EYA1: variants seen among roughly 807,000 people sequenced by gnomAD.
EYA1 encodes the protein protein phosphatase EYA1.
EYA1 carries 16 observed loss-of-function variants against 82.0 expected under a neutral mutation model. That is an observed-to-expected ratio of 0.20 (90% CI 0.13 to 0.30). EYA1 has a LOEUF of 0.30. Among genes scored for constraint, EYA1 ranks in the 10% least tolerant of loss-of-function variants. The probability of loss-of-function intolerance (pLI) is 1.00; values close to 1 mark genes in which losing one functional copy is unlikely to be tolerated. For missense variants in EYA1, 633 were observed against 730.7 expected (o/e 0.87, Z 1.54); for synonymous variants, 261 against 264.4 (o/e 0.99, Z 0.12).
intron 11 of EYA1, among the ~76,000 whole-genome samples, chr8:71,260,975 C>T (rs956475178): frequency 3.3e-5 from 5 of 152,114 alleles, no homozygotes; most frequent in African/African-American, 9.7e-5. Flanking sequence ...TTTAAAAATT[C>T]TCCCCATCCA....
intron 2 of EYA1, among the ~76,000 whole-genome samples, chr8:71,355,704 T>C (rs1826798009): frequency 6.6e-6 from 1 of 152,234 alleles, no homozygotes; most frequent in Non-Finnish European, 1.5e-5. Context: ...TTTAGTGCTA[T>C]AATTTTGCAA....
intron 3 of EYA1, 96 bp from the exon 4 acceptor site, chr8:71,334,270 T>A: frequency 9.9e-7 from 1 of 1,014,072 alleles, no homozygotes; most frequent in Non-Finnish European, 1.6e-6. Flanking sequence ...GACAAGAAAA[T>A]CATTTCAAAA....
intron 2 of EYA1, among the ~76,000 whole-genome samples, chr8:71,408,132 A>T (rs1231887671): frequency 4.6e-5 from 7 of 152,064 alleles, no homozygotes; most frequent in Admixed American, 3.9e-4. Context: ...AAGCTTCATA[A>T]GTGAAGGAGA....
intron 2 of EYA1, among the ~76,000 whole-genome samples, chr8:71,439,868 A>G (rs1394058214): frequency 6.6e-6 from 1 of 152,226 alleles, no homozygotes; most frequent in Non-Finnish European, 1.5e-5. Flanking sequence ...CACACAGACT[A>G]CAGGGTAATT....
At chr8:71,418,030 C>T (rs575134011) in intron 2 of EYA1, among the ~76,000 whole-genome samples, 1 of 152,314 alleles carries the variant, frequency 6.6e-6, no homozygotes, top group African/African-American at 2.4e-5. Context: ...AGGGCATACC[C>T]TCTCATTCTT....
At chr8:71,349,823 C>T (rs1302543802) in intron 3 of EYA1, among the ~76,000 whole-genome samples, 1 of 151,764 alleles carries the variant, frequency 6.6e-6, no homozygotes, top group Non-Finnish European at 1.5e-5. Flanking sequence ...ATTTTTTTTT[C>T]TAAAGATTAA....
chr8:71,518,882 G>C (rs1475868058), intron 2 of EYA1, among the ~76,000 whole-genome samples: 1 of 151,998 alleles, frequency 6.6e-6, no homozygotes, highest in Non-Finnish European at 1.5e-5. Context: ...CATAAAATCA[G>C]CTAGTATCTA....
At chr8:71,505,316 C>G (rs556556891) in intron 2 of EYA1, among the ~76,000 whole-genome samples, 1 of 152,156 alleles carries the variant, frequency 6.6e-6, no homozygotes, top group South Asian at 2.1e-4. Context: ...GTTTGAGAAG[C>G]GCTGGCTCAA....
At chr8:71,519,642 G>A (rs1239086113) in intron 2 of EYA1, among the ~76,000 whole-genome samples, 4 of 144,894 alleles carry the variant, frequency 2.8e-5, no homozygotes, top group Admixed American at 2.1e-4. Context: ...ATTTCTCTTT[G>A]TTTTACCTAA....
rs763005068 is a variant in EYA1, at chr8:71,321,856, G to A, written c.296C>T (p.Pro99Leu). The A allele has an allele frequency of 1.9e-6, 3 of 1,614,230 alleles. No homozygotes were observed. The highest frequency in any genetic ancestry group is 1.7e-5 in the Admixed American group (1 of 60,034). Residue 99 changes from proline (P) to leucine (L), a missense_variant, in exon 6 of 18, where the codon CCT (proline) becomes CTT (leucine). By Grantham distance (98) the Pro-to-Leu change is moderately conservative. Coordinates refer to ENST00000340726, the MANE Select transcript of EYA1 (RefSeq NM_000503.6). ...AGCCATAGTTTGTGAGGAAGGGGTA[G>A]GGAGAATATGTGGGTATGGTCTGCT... The part of the protein sequence containing the change: ...PSNRPYPHIL[P>L]TPSSQTMAAY...
chr8:71,462,663 G>T (rs944558492), intron 2 of EYA1, among the ~76,000 whole-genome samples: 1 of 152,204 alleles, frequency 6.6e-6, no homozygotes, highest in Non-Finnish European at 1.5e-5. Context: ...CCCAGGCCCA[G>T]CTCTGCCTTC....
In EYA1 at chr8:71,226,139, G is replaced by A. The variant is rs773776165; in HGVS notation, c.1141-9116C>T. 7.9e-5 allele frequency among the ~76,000 whole-genome samples: 12 copies of A among 152,088 alleles called. 1 individual carries two copies. Among genetic ancestry groups the A allele is most frequent in the Middle Eastern group, 3.2e-3 (1 of 316 alleles). On this transcript the variant is annotated intron_variant, in intron 12 of 17. Transcript: ENST00000340726. ...GCATAAAATTATGGTAAATATTTGA[G>A]ATCACTAAGTAAAGGCTTCCAGGAT...
intron 3 of EYA1, among the ~76,000 whole-genome samples, chr8:71,351,438 CAA>C (rs1481257135): frequency 6.6e-6 from 1 of 152,080 alleles, no homozygotes; most frequent in East Asian, 1.9e-4. Flanking sequence ...TTTTATATTG[CAA>C]AGATGTATAA....
At position 71,454,003 on chromosome 8, in the gene EYA1, A is replaced by C. The variant is rs1230822796; in HGVS notation, c.33+81741T>G. ...ATTGGATAAAGAGTCGAGACCCATC[A>C]GTGTGCTGTATTCAGGAAACCCATC... On this transcript the variant is annotated intron_variant, in intron 2 of 18. Transcript: ENST00000643681. Among the ~76,000 whole-genome samples, 5 of 152,206 alleles carry C rather than the reference A, an allele frequency of 3.3e-5. No homozygotes were observed. In the East Asian group the frequency reaches 9.6e-4, roughly 29 times the overall value.
At chr8:71,456,669 C>T (rs1333899494) in intron 2 of EYA1, among the ~76,000 whole-genome samples, 1 of 152,094 alleles carries the variant, frequency 6.6e-6, no homozygotes, top group Non-Finnish European at 1.5e-5. Context: ...AAAGGATTCC[C>T]TATTTAATAA....
chr8:71,520,783 T>C (rs1188289132), intron 2 of EYA1, among the ~76,000 whole-genome samples: 1 of 152,134 alleles, frequency 6.6e-6, no homozygotes, highest in African/African-American at 2.4e-5. Context: ...AAATAAAGAC[T>C]AAAGCTGTGA....
intron 2 of EYA1, among the ~76,000 whole-genome samples, chr8:71,437,580 A>G (rs1806106412): frequency 6.6e-6 from 1 of 152,094 alleles, no homozygotes; most frequent in African/African-American, 2.4e-5. Context: ...TACTTTTTAA[A>G]AGAAATTTAA....
At chr8:71,312,765 T>C (rs1349864995) in intron 7 of EYA1, among the ~76,000 whole-genome samples, 2 of 152,216 alleles carry the variant, frequency 1.3e-5, no homozygotes, top group East Asian at 3.8e-4. Flanking sequence ...CAGAGTTATG[T>C]AAAGATTAAA....
At chr8:71,204,823 G>C (rs1290180122) in intron 17 of EYA1, among the ~76,000 whole-genome samples, 1 of 152,150 alleles carries the variant, frequency 6.6e-6, no homozygotes, top group Non-Finnish European at 1.5e-5. Context: ...GAAACTTATT[G>C]TGCAACGTTG....
Sources: allele counts gnomAD v4.1 joint callset (sites outside exome capture counted in the v4.1 genomes callset), GRCh38; gene constraint gnomAD v4.1.1; transcripts MANE v1.5; gene names NCBI Gene and HGNC (gene_info 2026-07-23, HGNC 2026-07-21).